The following TTC22 variants were observed in gnomAD, a reference collection of about 807,000 sequenced individuals.
The protein encoded by TTC22 is tetratricopeptide repeat protein 22.
In TTC22, 42 loss-of-function variants were observed where a neutral mutation model predicts 48.2. The ratio of observed to expected loss-of-function variants is 0.87; its 90% CI spans 0.68 to 1.13. The LOEUF is 1.13. TTC22 is among the 50% of genes most tolerant of loss of function. The probability of loss-of-function intolerance (pLI) is 0.00; values close to 1 mark genes in which losing one functional copy is unlikely to be tolerated. For synonymous variants in TTC22, 345 were observed against 365.5 expected (o/e 0.94, Z 0.64); for missense variants, 784 against 807.0 (o/e 0.97, Z 0.34).
intron 1 of TTC22, among the ~76,000 whole-genome samples, chr1:54,800,304 G>A (rs1423943718): frequency 6.6e-6 from 1 of 152,242 alleles, no homozygotes; most frequent in East Asian, 1.9e-4. Context: ...CGCAGGAACA[G>A]GCACTTGCTG....
chr1:54,783,599 T>C (rs1646278711), intron 5 of TTC22, among the ~76,000 whole-genome samples: 1 of 152,158 alleles, frequency 6.6e-6, no homozygotes, highest in South Asian at 2.1e-4. Flanking sequence ...CTTATATGTT[T>C]TGGGGGAGAG....
At chr1:54,784,364 A>C (rs1284142573) in intron 5 of TTC22, among the ~76,000 whole-genome samples, 1 of 152,188 alleles carries the variant, frequency 6.6e-6, no homozygotes, top group East Asian at 1.9e-4. Context: ...CAGAGAGGCC[A>C]GGATCATAAG....
At chr1:54,782,514 G>A in intron 5 of TTC22, 37 bp from the exon 6 acceptor site, 1 of 1,513,358 alleles carries the variant, frequency 6.6e-7, no homozygotes, top group Non-Finnish European at 8.9e-7. Context: ...AGATGATCCA[G>A]GCAAGGGCCT....
intron 5 of TTC22, chr1:54,784,564 G>A: frequency 2.9e-6 from 3 of 1,020,174 alleles, no homozygotes; most frequent in Non-Finnish European, 3.5e-6. Flanking sequence ...TTGATGAAAT[G>A]CAGAATTTTA....
Position 54,786,100 on chromosome 1 carries a change from C to T in TTC22, c.903G>A (p.Leu301=), listed in dbSNP as rs1470695006. The change falls in exon 5 of 7, where the codon CTG becomes CTA. Residue 301 remains leucine (L), a synonymous_variant. Coordinates refer to ENST00000371276, the MANE Select transcript of TTC22 (RefSeq NM_001114108.2). ...AKNQPPILNR[L]AKIFYFLGKQ... ...TTCCCAGGAAGTAGAAGATTTTTGCCAGGCGATTCAGGATGGGAGGTTGGT... is the reference window on the plus strand; with the variant it reads ...TTCCCAGGAAGTAGAAGATTTTTGCTAGGCGATTCAGGATGGGAGGTTGGT... The T allele has an allele frequency of 1.9e-6, 3 of 1,614,006 alleles. No individual in the cohort carries two copies. The highest frequency in any genetic ancestry group is 2.5e-6 in the Non-Finnish European group (3 of 1,180,014).
intron 1 of TTC22, among the ~76,000 whole-genome samples, chr1:54,792,441 CTTT>C (rs539509172): frequency 6.9e-6 from 1 of 145,250 alleles, no homozygotes; most frequent in African/African-American, 2.5e-5. Flanking sequence ...GTCTCTCTCT[CTTT>C]TTTTTTTTTT....
intron 1 of TTC22, among the ~76,000 whole-genome samples, chr1:54,798,939 A>G (rs1244502822): frequency 6.6e-6 from 1 of 152,252 alleles, no homozygotes; most frequent in Non-Finnish European, 1.5e-5. Context: ...CTAGGTGCTC[A>G]GAACGAAACC....
rs756325466 is a variant in TTC22 at position 54,800,681 on chromosome 1, G to A, written c.483C>T (p.Val161=). 2.6e-6 allele frequency: 4 copies of A among 1,551,666 alleles called. No homozygotes were observed. In the South Asian group the frequency reaches 4.7e-5, roughly 18 times the overall value. The change falls in exon 1 of 7, where the codon GTC becomes GTT. Residue 161 remains valine (V), a synonymous_variant. Transcript: ENST00000371276. The part of the protein sequence containing the change: ...AEQGYAHGFD[V]GCASPEERAR... ...CACGCTCCTCTGGGCTGGCGCAGCC[G>A]ACGTCGAAGCCATGCGCGTAGCCCT...
At position 54,800,867 on chromosome 1, in the gene TTC22, G is replaced by A; in HGVS notation, c.297C>T (p.Asn99=). The A allele has an allele frequency of 6.2e-7, 1 of 1,610,368 alleles. No homozygotes were observed. Residue 99 remains asparagine (N), a synonymous_variant, in exon 1 of 7, where the codon AAC becomes AAT. Coordinates refer to ENST00000371276, the MANE Select transcript of TTC22 (RefSeq NM_001114108.2). ...GTGCCAGATTGGCCCAGGCATTGAG[G>A]TTGCCCGGGTGCTCGTGGGCCACCT... ...FLEVAHEHPG[N]LNAWANLAHV...
At chr1:54,791,650 A>G (rs6663032) in intron 1 of TTC22, among the ~76,000 whole-genome samples, 1 of 151,932 alleles carries the variant, frequency 6.6e-6, no homozygotes, top group Non-Finnish European at 1.5e-5. Flanking sequence ...GTCCTCTCCC[A>G]ACTATGCTCC....
chr1:54,784,467 A>G, intron 5 of TTC22: 1 of 846,296 alleles, frequency 1.2e-6, no homozygotes, highest in Non-Finnish European at 1.4e-6. Flanking sequence ...CCCTGGTTCT[A>G]TGTGGCCTCA....
intron 1 of TTC22, chr1:54,794,595 C>T (rs1164461395): frequency 6.6e-6 from 1 of 152,200 alleles, no homozygotes; most frequent in East Asian, 1.9e-4. Context: ...TGAAAGCTGA[C>T]TAATTTTCTT....
intron 1 of TTC22, among the ~76,000 whole-genome samples, chr1:54,790,117 G>A (rs1292712086): frequency 6.6e-6 from 1 of 152,310 alleles, no homozygotes; most frequent in Middle Eastern, 3.4e-3. Flanking sequence ...GCTTATGCCT[G>A]TACTCCCAGC....
At chr1:54,788,188 A>G in intron 1 of TTC22, 91 bp from the exon 2 acceptor site, 2 of 1,247,948 alleles carry the variant, frequency 1.6e-6, no homozygotes, top group Non-Finnish European at 1.2e-6. Context: ...CCCAAGAGGC[A>G]GCAGGCACAA....
chr1:54,798,578 C>T (rs763859082), intron 1 of TTC22, among the ~76,000 whole-genome samples: 8 of 152,232 alleles, frequency 5.3e-5, no homozygotes, highest in Admixed American at 3.9e-4. Flanking sequence ...GTGGTAGACA[C>T]GTCTCTGATT....
chr1:54,781,556 G>A lies in TTC22; in HGVS notation c.1397C>T (p.Ser466Phe), dbSNP rs1465737407. The A allele has an allele frequency of 6.6e-7, 1 of 1,520,234 alleles. No homozygotes were observed. The highest frequency in any genetic ancestry group is 2.6e-5 in the East Asian group (1 of 39,106). 94.2% of individuals were successfully genotyped at this position (1,520,234 alleles called of 1,614,324 possible). A position where few individuals can be genotyped will look rare whatever the true frequency, so the allele number is the denominator to read the frequency against. ...KRAVELDDAG[S>F]SHTDGFGCLL... ...GCAGCCGAAGCCGTCGGTGTGGCTG[G>A]AGCCCGCGTCGTCCAGCTCCACTGC... The change falls in exon 7 of 7, where the codon TCC becomes TTC. Residue 466 changes from serine (S) to phenylalanine (F), a missense_variant. Physicochemically the swap from Ser to Phe is radical, Grantham distance 155. Coordinates refer to ENST00000371276, the MANE Select transcript of TTC22 (RefSeq NM_001114108.2).
At chr1:54,790,718 C>T (rs1475438522) in intron 1 of TTC22, among the ~76,000 whole-genome samples, 1 of 152,196 alleles carries the variant, frequency 6.6e-6, no homozygotes, top group Non-Finnish European at 1.5e-5. Context: ...CAAAGCCTGA[C>T]CATGTAAAGG....
intron 5 of TTC22, 136 bp from the exon 6 acceptor site, chr1:54,782,613 C>T: frequency 1.1e-6 from 1 of 944,304 alleles, no homozygotes; most frequent in Non-Finnish European, 1.5e-6. Context: ...ACCCTGAGGC[C>T]AGGACCCAGG....
intron 1 of TTC22, chr1:54,794,696 C>G (rs891339580): frequency 5.3e-5 from 8 of 152,204 alleles, no homozygotes; most frequent in African/African-American, 1.9e-4. Flanking sequence ...TGGGTTCTCA[C>G]AGCAGCCTCA....
Sources: gnomAD v4.1 joint callset for allele counts (sites outside exome capture counted in the v4.1 genomes callset) on GRCh38, gnomAD v4.1.1 for gene constraint, MANE v1.5 for transcripts, NCBI Gene and HGNC (gene_info 2026-07-23, HGNC 2026-07-21) for gene names.